The following NTRK2 variants were observed in gnomAD, a reference collection of about 807,000 sequenced individuals.
NTRK2 encodes the protein BDNF/NT-3 growth factors receptor.
A neutral mutation model predicts 94.5 loss-of-function variants in NTRK2; 13 were observed. The ratio of observed to expected loss-of-function variants is 0.14; its 90% CI spans 0.09 to 0.22. NTRK2 has a LOEUF of 0.22. Among genes scored for constraint, NTRK2 ranks in the 10% least tolerant of loss-of-function variants. The probability of loss-of-function intolerance (pLI) is 1.00; values close to 1 mark genes in which losing one functional copy is unlikely to be tolerated. For missense variants in NTRK2, 639 were observed against 1,071.2 expected (o/e 0.60, Z 5.63); for synonymous variants, 372 against 407.4 (o/e 0.91, Z 1.05).
At chr9:85,016,339 C>T (rs1832222896) in intron 17 of NTRK2, among the ~76,000 whole-genome samples, 1 of 152,184 alleles carries the variant, frequency 6.6e-6, no homozygotes, top group South Asian at 2.1e-4. Context: ...CTCCAGATAA[C>T]TGGGTTTCTC....
intron 6 of NTRK2, among the ~76,000 whole-genome samples, chr9:84,719,670 G>A (rs2061934405): frequency 6.6e-6 from 1 of 151,996 alleles, no homozygotes; most frequent in Non-Finnish European, 1.5e-5. Flanking sequence ...CACCATGACG[G>A]GCCTTGACTC....
chr9:84,801,020 A>G (rs1337719077), intron 12 of NTRK2, among the ~76,000 whole-genome samples: 2 of 152,214 alleles, frequency 1.3e-5, no homozygotes, highest in Admixed American at 1.3e-4. Flanking sequence ...TTACAATGCA[A>G]TTGATGTGAT....
At chr9:84,742,917 C>T (rs772753734) in intron 10 of NTRK2, among the ~76,000 whole-genome samples, 2 of 150,590 alleles carry the variant, frequency 1.3e-5, no homozygotes, top group Non-Finnish European at 2.9e-5. Context: ...TCTCCTGCCT[C>T]AGCCTCCTGA....
intron 17 of NTRK2, among the ~76,000 whole-genome samples, chr9:85,010,217 A>C (rs1374049024): frequency 1.3e-5 from 2 of 152,190 alleles, no homozygotes; most frequent in African/African-American, 4.8e-5. Context: ...AGCCTGTCTG[A>C]GTAACTTACA....
chr9:85,024,305 C>T lies in NTRK2; in HGVS notation c.*2868C>T, dbSNP rs960172904. ...TTTTTAGAAGAGTGGCATCCTCGTTCTAAAATGTAATGATCACCAAATACG... is the reference window on the plus strand; with the variant it reads ...TTTTTAGAAGAGTGGCATCCTCGTTTTAAAATGTAATGATCACCAAATACG... On this transcript the variant is annotated 3_prime_UTR_variant, in exon 19 of 19. Coordinates refer to ENST00000277120, the MANE Select transcript of NTRK2 (RefSeq NM_006180.6). 1.1e-4 allele frequency: 26 copies of T among 232,856 alleles called. No individual in the cohort carries two copies. The highest frequency in any genetic ancestry group is 5.5e-4 in the African/African-American group (25 of 45,326). 14.4% of individuals were successfully genotyped at this position (232,856 alleles called of 1,614,324 possible).
At chr9:84,682,438 C>T (rs1439616973) in intron 2 of NTRK2, among the ~76,000 whole-genome samples, 1 of 152,186 alleles carries the variant, frequency 6.6e-6, no homozygotes, top group African/African-American at 2.4e-5. Flanking sequence ...TACCTTCACT[C>T]TGAAGAAGTT....
Position 85,024,132 on chromosome 9 carries a change from A to C in NTRK2, c.*2695A>C, listed in dbSNP as rs1832918852. 4.3e-6 allele frequency: 1 copy of C among 231,162 alleles called. No homozygotes were observed. Among genetic ancestry groups the C allele is most frequent in the Non-Finnish European group, 8.6e-6 (1 of 116,828 alleles). The allele number at this position is 231,162 out of a possible 1,614,324, so 14.3% of individuals were successfully genotyped here. ...TTTATTGCTGATTATTACTATTACT[A>C]TCTCTGTTGTCTTAAGAGTATGTGC... On this transcript the variant is annotated 3_prime_UTR_variant, in exon 19 of 19. Transcript: ENST00000277120.
intron 8 of NTRK2, among the ~76,000 whole-genome samples, chr9:84,727,320 C>G (rs1399684264): frequency 6.6e-6 from 1 of 152,100 alleles, no homozygotes; most frequent in Non-Finnish European, 1.5e-5. Flanking sequence ...ATATTAGAAA[C>G]CAAAGTCAAC....
intron 12 of NTRK2, among the ~76,000 whole-genome samples, chr9:84,777,744 C>T (rs141288700): frequency 9.9e-4 from 151 of 152,300 alleles, no homozygotes; most frequent in African/African-American, 3.5e-3. Flanking sequence ...TACGAGCTGT[C>T]TCTAGCAAGC....
chr9:84,934,131 T>C (rs2078134816), intron 14 of NTRK2, 31 bp from the exon 15 acceptor site: 5 of 1,613,162 alleles, frequency 3.1e-6, no homozygotes, highest in Non-Finnish European at 3.4e-6. Flanking sequence ...CATGCTTCAA[T>C]TCCAATTTCC....
chr9:84,782,041 C>CAA (rs2067630890), intron 12 of NTRK2, among the ~76,000 whole-genome samples: 1 of 26,710 alleles, frequency 3.7e-5, no homozygotes, highest in African/African-American at 6.3e-5. Context: ...CAAGAAAACA[C>CAA]ACACACACAC....
intron 12 of NTRK2, among the ~76,000 whole-genome samples, chr9:84,795,915 G>T (rs1007698341): frequency 4.6e-5 from 7 of 151,694 alleles, no homozygotes; most frequent in African/African-American, 1.7e-4. Context: ...AGTTCCAGGT[G>T]CTATATAGAT....
At chr9:84,749,236 A>G (rs1282393360) in intron 11 of NTRK2, among the ~76,000 whole-genome samples, 1 of 152,218 alleles carries the variant, frequency 6.6e-6, no homozygotes, top group Non-Finnish European at 1.5e-5. Context: ...CTCAAAAAAA[A>G]AAAAGTCTAT....
chr9:84,700,154 C>T (rs1175507040), intron 2 of NTRK2, among the ~76,000 whole-genome samples: 1 of 152,142 alleles, frequency 6.6e-6, no homozygotes, highest in Non-Finnish European at 1.5e-5. Flanking sequence ...GAGGAAAACT[C>T]GCCCACATTA....
rs775430298 is a variant in NTRK2 at position 84,702,187 on chromosome 9, A to G, written c.241A>G (p.Ile81Val). ...IFIANQKRLE[I>V]INEDDVEAYV... ...CATCGCAAACCAGAAAAGGTTAGAAATCATCAACGAAGATGATGTTGAAGC... is the reference window on the plus strand; with the variant it reads ...CATCGCAAACCAGAAAAGGTTAGAAGTCATCAACGAAGATGATGTTGAAGC... The change falls in exon 3 of 19, where the codon ATC becomes GTC. Residue 81 changes from isoleucine (I) to valine (V), a missense_variant. By Grantham distance (29) the Ile-to-Val change is conservative. Coordinates refer to ENST00000277120, the MANE Select transcript of NTRK2 (RefSeq NM_006180.6). 5.6e-6 allele frequency: 9 copies of G among 1,614,090 alleles called. No individual in the cohort carries two copies. The African/African-American group carries it at 1.2e-4, about 22-fold the overall frequency.
chr9:85,004,368 T>A (rs1254866167), intron 17 of NTRK2, among the ~76,000 whole-genome samples: 1 of 152,164 alleles, frequency 6.6e-6, no homozygotes, highest in Non-Finnish European at 1.5e-5. Context: ...CTTGTCTTCA[T>A]CTCCAAAGAC....
intron 14 of NTRK2, among the ~76,000 whole-genome samples, chr9:84,886,528 C>T (rs1006294803): frequency 2.6e-5 from 4 of 152,202 alleles, no homozygotes; most frequent in Non-Finnish European, 5.9e-5. Context: ...AACCTGGGGC[C>T]TCCAACTGTT....
At chr9:84,692,473 T>C (rs550387661) in intron 2 of NTRK2, among the ~76,000 whole-genome samples, 139 of 130,844 alleles carry the variant, frequency 1.1e-3, no homozygotes, top group African/African-American at 4.0e-3. Flanking sequence ...TTTTTCTTTT[T>C]TTTTTTTTTT....
At chr9:84,828,493 C>A (rs1026215810) in intron 12 of NTRK2, among the ~76,000 whole-genome samples, 3 of 152,132 alleles carry the variant, frequency 2.0e-5, no homozygotes, top group Non-Finnish European at 4.4e-5. Context: ...ACAAGACAAA[C>A]CTCCTACCTT....
Sources: allele counts gnomAD v4.1 joint callset (sites outside exome capture counted in the v4.1 genomes callset), GRCh38; gene constraint gnomAD v4.1.1; transcripts MANE v1.5; gene names NCBI Gene and HGNC (gene_info 2026-07-23, HGNC 2026-07-21).